RIMKLB: variants seen among roughly 807,000 people sequenced by gnomAD.
RIMKLB encodes beta-citrylglutamate synthase B.
A neutral mutation model predicts 32.0 loss-of-function variants in RIMKLB; 7 were observed. The observed-to-expected ratio is 0.22, with a 90% CI of 0.12 to 0.41. The LOEUF is 0.41. RIMKLB is among the 10% of genes least tolerant of loss of function. The pLI is 1.00. For missense variants in RIMKLB, 289 were observed against 498.7 expected, an observed-to-expected ratio of 0.58 and a Z score of 4.00; for synonymous variants, 172 against 185.1, an observed-to-expected ratio of 0.93 and a Z score of 0.57.
At chr12:8,700,026 T>G (rs1591628709) in intron 1 of RIMKLB, 1 of 152,358 alleles carries the variant, frequency 6.6e-6, no homozygotes, top group Non-Finnish European at 1.5e-5. Flanking sequence ...TTGCCCATGT[T>G]TTCTTAGAAT....
At chr12:8,730,557 A>G (rs966515614) in intron 2 of RIMKLB, among the ~76,000 whole-genome samples, 1 of 152,150 alleles carries the variant, frequency 6.6e-6, no homozygotes, top group Non-Finnish European at 1.5e-5. Context: ...GTTAGGTGAA[A>G]CAGACCAGAC....
At chr12:8,689,116 G>A (rs1942662478) in intron 1 of RIMKLB, among the ~76,000 whole-genome samples, 1 of 152,220 alleles carries the variant, frequency 6.6e-6, no homozygotes, top group South Asian at 2.1e-4. Flanking sequence ...GATTACAGGC[G>A]TGAGCCGCTG....
chr12:8,717,793 C>G (rs1044679257), intron 2 of RIMKLB, among the ~76,000 whole-genome samples: 1 of 152,146 alleles, frequency 6.6e-6, no homozygotes, highest in Non-Finnish European at 1.5e-5. Flanking sequence ...AATTATGGCT[C>G]TAGTTATATT....
downstream of RIMKLB, among the ~76,000 whole-genome samples, chr12:8,778,592 T>C (rs1013861944): frequency 6.6e-6 from 1 of 152,194 alleles, no homozygotes; most frequent in African/African-American, 2.4e-5. Flanking sequence ...CTACAACTCG[T>C]CCATTTTAAT....
chr12:8,711,452 C>T (rs1944368244), intron 1 of RIMKLB, among the ~76,000 whole-genome samples: 1 of 151,760 alleles, frequency 6.6e-6, no homozygotes, highest in Non-Finnish European at 1.5e-5. Flanking sequence ...AGTGTCAGGC[C>T]AAGGCACGGA....
upstream of RIMKLB, chr12:8,697,569 T>C: frequency 6.2e-6 from 1 of 162,246 alleles, no homozygotes; most frequent in Non-Finnish European, 1.4e-5. Context: ...ATCTCGCGGT[T>C]TCGAGTTGGG....
At chr12:8,671,980 G>A in the RIMKLB span, among the ~76,000 whole-genome samples, 1 of 152,132 alleles carries the variant, frequency 6.6e-6, no homozygotes, top group Admixed American at 6.5e-5. Flanking sequence ...CCTCTTGAAT[G>A]CTTTGCTGTT....
downstream of RIMKLB, among the ~76,000 whole-genome samples, chr12:8,780,979 G>A (rs1950996473): frequency 2.0e-5 from 3 of 152,172 alleles, no homozygotes; most frequent in South Asian, 4.1e-4. Flanking sequence ...AAATTATGTG[G>A]ACAGTAAATC....
rs150964169 is a variant in RIMKLB at position 8,754,796 on chromosome 12, T to C, written c.697+703T>C. On this transcript the variant is annotated intron_variant, in intron 5 of 5. Coordinates refer to ENST00000535829, the MANE Select transcript of RIMKLB (RefSeq NM_001297776.2). ...TTATATATGTATATATGTATGTATG[T>C]ATGAGTGAGTGAATGATGGGGTCTT... Among the ~76,000 whole-genome samples, 752 of 152,190 alleles carry C rather than the reference T, an allele frequency of 4.9e-3. 33 individuals are homozygous for C. The highest frequency in any genetic ancestry group is 0.045 in the Admixed American group (684 of 15,276).
the RIMKLB span, among the ~76,000 whole-genome samples, chr12:8,672,292 A>G: frequency 1.4e-4 from 22 of 152,184 alleles, no homozygotes; most frequent in Non-Finnish European, 3.1e-4. Flanking sequence ...TCTGCCTGTT[A>G]CCCAGTTCCA....
chr12:8,700,856 A>T (rs369537293), intron 1 of RIMKLB, among the ~76,000 whole-genome samples: 1 of 152,186 alleles, frequency 6.6e-6, no homozygotes, highest in African/African-American at 2.4e-5. Context: ...ACTTGAGGTC[A>T]GGAGTTTGAA....
intron 5 of RIMKLB, among the ~76,000 whole-genome samples, chr12:8,756,883 G>A (rs1008920205): frequency 1.3e-5 from 2 of 151,590 alleles, no homozygotes; most frequent in Non-Finnish European, 1.5e-5. Context: ...GTAGAGATGG[G>A]GTTTCACCAT....
chr12:8,718,948 C>G (rs1476392216), intron 2 of RIMKLB, among the ~76,000 whole-genome samples: 1 of 152,118 alleles, frequency 6.6e-6, no homozygotes, highest in Non-Finnish European at 1.5e-5. Flanking sequence ...TGGGCAAATG[C>G]ATAATTACAT....
At chr12:8,694,316 G>A (rs1238561412), upstream of RIMKLB, among the ~76,000 whole-genome samples, 3 of 151,618 alleles carry the variant, frequency 2.0e-5, no homozygotes, top group Non-Finnish European at 4.4e-5. Flanking sequence ...GTATTCAAGC[G>A]ATCCTGTTGT....
intron 1 of RIMKLB, among the ~76,000 whole-genome samples, chr12:8,687,973 A>T (rs1942626928): frequency 6.6e-6 from 1 of 152,112 alleles, no homozygotes; most frequent in Non-Finnish European, 1.5e-5. Flanking sequence ...AGGCAGCATG[A>T]GGGGAGGAGG....
intron 2 of RIMKLB, among the ~76,000 whole-genome samples, chr12:8,748,743 C>G (rs1948369963): frequency 6.6e-6 from 1 of 151,810 alleles, no homozygotes; most frequent in Non-Finnish European, 1.5e-5. Context: ...TTAAGACCAT[C>G]CTGGCCAACA....
At chr12:8,769,857 A>G (rs896258964) in intron 5 of RIMKLB, among the ~76,000 whole-genome samples, 2 of 152,118 alleles carry the variant, frequency 1.3e-5, no homozygotes, top group African/African-American at 4.8e-5. Context: ...CTCCCCTCCA[A>G]TGGGAATATT....
At chr12:8,727,265 ATC>A (rs1318884241) in intron 2 of RIMKLB, among the ~76,000 whole-genome samples, 5 of 152,178 alleles carry the variant, frequency 3.3e-5, no homozygotes, top group Non-Finnish European at 4.4e-5. Flanking sequence ...GAGAGACAGA[ATC>A]TCTGTTGCCC....
the RIMKLB span, among the ~76,000 whole-genome samples, chr12:8,671,721 G>T: frequency 1.3e-5 from 2 of 152,094 alleles, no homozygotes; most frequent in Admixed American, 1.3e-4. Flanking sequence ...GACCAGCCTG[G>T]CCAAGATGGT....
Sources: gnomAD v4.1 joint callset for allele counts (sites outside exome capture counted in the v4.1 genomes callset) on GRCh38, gnomAD v4.1.1 for gene constraint, MANE v1.5 for transcripts, NCBI Gene and HGNC (gene_info 2026-07-23, HGNC 2026-07-21) for gene names.